UNKL: variants seen among roughly 807,000 people sequenced by gnomAD.
The protein encoded by UNKL is unk like zinc finger.
A neutral mutation model predicts 78.0 loss-of-function variants in UNKL; 60 were observed. That is an observed-to-expected ratio of 0.77 (90% CI 0.63 to 0.95). The LOEUF (loss-of-function observed/expected upper bound fraction) is 0.95, where lower values mean the gene tolerates loss of function less well. Among genes scored for constraint, UNKL ranks in the 40% least tolerant of loss-of-function variants. The pLI is 0.00. For synonymous variants in UNKL, 608 were observed against 474.8 expected (o/e 1.28, Z -3.65); for missense variants, 1,159 against 1,045.7 (o/e 1.11, Z -1.49).
intron 2 of UNKL, among the ~76,000 whole-genome samples, chr16:1,407,605 A>G (rs1173116546): frequency 2.6e-5 from 4 of 151,390 alleles, no homozygotes; most frequent in Admixed American, 2.0e-4. Context: ...CTGAGGTGGG[A>G]GGATCACTTG....
chr16:1,386,643 G>A (rs1228461293), intron 9 of UNKL, among the ~76,000 whole-genome samples: 1 of 152,166 alleles, frequency 6.6e-6, no homozygotes, highest in Non-Finnish European at 1.5e-5. Context: ...AGTTAACCTT[G>A]GGAGGTGTGA....
Position 1,365,428 on chromosome 16 carries a change from G to C in UNKL, c.*812C>G, listed in dbSNP as rs568744100. 84 of 152,486 alleles carry C rather than the reference G, an allele frequency of 5.5e-4. No individual in the cohort carries two copies. Among genetic ancestry groups the C allele is most frequent in the African/African-American group, 1.9e-3 (77 of 41,572 alleles). 9.4% of individuals were successfully genotyped at this position (152,486 alleles called of 1,614,324 possible). On this transcript the variant is annotated 3_prime_UTR_variant, in exon 15 of 15. Transcript: ENST00000389221. ...TGATGCTCCTTCACTTGCTCTCCGA[G>C]GCGCAGGCGCACAGAAACAGCGGCC...
At chr16:1,382,895 T>C (rs1468998061) in intron 10 of UNKL, among the ~76,000 whole-genome samples, 1 of 148,834 alleles carries the variant, frequency 6.7e-6, no homozygotes, top group East Asian at 2.0e-4. Context: ...GAGGTGGAGG[T>C]TGCAGTGAGC....
intron 4 of UNKL, among the ~76,000 whole-genome samples, chr16:1,400,773 C>A (rs2037491051): frequency 1.3e-5 from 2 of 152,024 alleles, no homozygotes; most frequent in Admixed American, 1.3e-4. Flanking sequence ...CTGCAACCTT[C>A]ACCCCCCGAG....
intron 10 of UNKL, among the ~76,000 whole-genome samples, chr16:1,374,703 G>A (rs1055845556): frequency 1.3e-5 from 2 of 152,146 alleles, no homozygotes; most frequent in Admixed American, 6.5e-5. Flanking sequence ...GGAGCTGGCT[G>A]AGCCAGGCAG....
rs192017052 is a variant in UNKL at position 1,396,315 on chromosome 16, C to T, written c.852+863G>A. Among the ~76,000 whole-genome samples the T allele has an allele frequency of 2.3e-4, 34 of 150,528 alleles. No homozygotes were observed. The East Asian group carries it at 3.6e-3, about 16-fold the overall frequency. On this transcript the variant is annotated intron_variant, in intron 6 of 14. Transcript: ENST00000389221. Reference sequence around the variant, plus strand: ...TGTCCTCCAAGCTGGAGTGCAGTGGCGTGATCTCGGCTCACTCTAAGCTCT... The same window carrying T: ...TGTCCTCCAAGCTGGAGTGCAGTGGTGTGATCTCGGCTCACTCTAAGCTCT...
Position 1,371,604 on chromosome 16 carries a change from C to T in UNKL, c.1272G>A (p.Ala424=), listed in dbSNP as rs746663773. The T allele has an allele frequency of 2.7e-5, 41 of 1,536,012 alleles. No homozygotes were observed. The highest frequency in any genetic ancestry group is 9.8e-5 in the East Asian group (4 of 40,934). The change falls in exon 11 of 15, where the codon GCG becomes GCA. Residue 424 remains alanine, a synonymous_variant. Coordinates refer to ENST00000389221, the MANE Select transcript of UNKL (RefSeq NM_001372107.1). ...SSTVEAVLGS[A]LDLHLSNVNI... is the part of the protein sequence containing the mutation. ...TCACATTGCTAAGATGCAGGTCTAA[C>T]GCAGAACCTGTCAACAGAGCCCCCC...
intron 9 of UNKL, among the ~76,000 whole-genome samples, 189 bp from the exon 10 acceptor site, chr16:1,385,574 C>T (rs777835583): frequency 4.6e-5 from 7 of 152,232 alleles, no homozygotes; most frequent in African/African-American, 1.4e-4. Context: ...GGCAGGGCAG[C>T]GGGCTACGGT....
chr16:1,414,660 G>C lies in UNKL; in HGVS notation c.32C>G (p.Ala11Gly). 3 of 1,147,474 alleles carry C rather than the reference G, an allele frequency of 2.6e-6. No individual in the cohort carries two copies. The highest frequency in any genetic ancestry group is 3.3e-6 in the Non-Finnish European group (3 of 922,120). The allele number at this position is 1,147,474 out of a possible 1,614,324, so 71.1% of individuals were successfully genotyped here. The change falls in exon 1 of 15, where the codon GCG becomes GGG. Residue 11 changes from alanine (A) to glycine (G), a missense_variant. By Grantham distance (60) the Ala-to-Gly change is moderately conservative. Transcript: ENST00000389221. Reference protein sequence around the residue: MPSVSKAAAAALSGSPPQTEK... With the variant: MPSVSKAAAAGLSGSPPQTEK... The stretch of plus-strand genomic sequence containing the variant: ...AGTCTGCGGGGGGGACCCGCTCAGC[G>C]CCGCTGCCGCCGCTTTCGAAACCGA...
chr16:1,363,803 CT>C lies in UNKL; in HGVS notation c.*2436del, dbSNP rs1288635597. 1 of 158,492 alleles carries C rather than the reference CT, an allele frequency of 6.3e-6. No homozygotes were observed. Among genetic ancestry groups the C allele is most frequent in the Non-Finnish European group, 1.4e-5 (1 of 71,780 alleles). The allele number at this position is 158,492 out of a possible 1,614,324, so 9.8% of individuals were successfully genotyped here. On this transcript the variant is annotated 3_prime_UTR_variant, in exon 15 of 15. Transcript: ENST00000389221. ...TGCCAGCCATTCTTTGGTCTTCCCA[CT>C]GCTCACCTGTCCTCAGAGCCAGTAC...
At chr16:1,367,615 C>T (rs1184841969) in intron 13 of UNKL, 41 bp downstream of exon 13, 2 of 1,486,750 alleles carry the variant, frequency 1.3e-6, no homozygotes, top group African/African-American at 1.5e-5. Context: ...CCCCTGCGGC[C>T]CTCCCTCCCC....
At chr16:1,379,285 G>C in intron 10 of UNKL, 2 of 162,424 alleles carry the variant, frequency 1.2e-5, no homozygotes, top group Non-Finnish European at 2.6e-5. Context: ...GCCCTCCCCC[G>C]CCCCGTTCCC....
At chr16:1,396,124 T>C (rs1191778859) in intron 6 of UNKL, among the ~76,000 whole-genome samples, 1 of 151,662 alleles carries the variant, frequency 6.6e-6, no homozygotes, top group Non-Finnish European at 1.5e-5. Context: ...GTATTTTTAG[T>C]AGAGACAGGG....
intron 10 of UNKL, among the ~76,000 whole-genome samples, chr16:1,377,242 G>A (rs2142031847): frequency 6.6e-6 from 1 of 152,282 alleles, no homozygotes; most frequent in Admixed American, 6.5e-5. Context: ...GGCTGGTCAT[G>A]AACTCCCCAC....
At position 1,401,007 on chromosome 16, in the gene UNKL, A is replaced by C. The variant is rs1329269204; in HGVS notation, c.598+561T>G. Among the ~76,000 whole-genome samples the C allele has an allele frequency of 1.1e-4, 16 of 152,160 alleles. 1 individual carries two copies. In the East Asian group the frequency reaches 3.1e-3, roughly 29 times the overall value. ...CCCAGCCTTACCACGTTTTTTTTCA[A>C]ATCAAAATCTCCCCTGCATATAACC... On this transcript the variant is annotated intron_variant, in intron 4 of 14. Transcript: ENST00000389221.
intron 11 of UNKL, 59 bp from the exon 12 acceptor site, chr16:1,370,416 G>A: frequency 2.0e-6 from 3 of 1,515,642 alleles, no homozygotes; most frequent in Admixed American, 2.2e-5. Flanking sequence ...CCAAACATCT[G>A]CCATGGGCGG....
intron 10 of UNKL, among the ~76,000 whole-genome samples, chr16:1,371,816 G>A (rs573727177): frequency 7.2e-4 from 110 of 152,306 alleles, no homozygotes; most frequent in South Asian, 5.0e-3. Context: ...CTGTTCCTCC[G>A]GCAAAACGAG....
intron 5 of UNKL, chr16:1,398,892 G>C: frequency 3.8e-6 from 6 of 1,573,078 alleles, no homozygotes; most frequent in Non-Finnish European, 5.2e-6. Context: ...GCGACCCTTG[G>C]GTTGTTGGCC....
intron 10 of UNKL, among the ~76,000 whole-genome samples, chr16:1,378,129 G>C (rs1452115555): frequency 1.3e-5 from 2 of 152,200 alleles, no homozygotes; most frequent in African/African-American, 4.8e-5. Flanking sequence ...AAAGCTGCTC[G>C]GCCTCCAAGC....
Sources: allele counts gnomAD v4.1 joint callset (sites outside exome capture counted in the v4.1 genomes callset), GRCh38; gene constraint gnomAD v4.1.1; transcripts MANE v1.5; gene names NCBI Gene and HGNC (gene_info 2026-07-23, HGNC 2026-07-21).